SERINC3: variants seen among roughly 807,000 people sequenced by gnomAD.
The protein encoded by SERINC3 is tumor differentially expressed protein 1.
In SERINC3, 22 loss-of-function variants were observed where a neutral mutation model predicts 52.1. That is an observed-to-expected ratio of 0.42 (90% CI 0.30 to 0.60). The LOEUF is 0.60. Among genes scored for constraint, SERINC3 ranks in the 20% least tolerant of loss-of-function variants. The pLI is 0.16. For missense variants in SERINC3, 564 were observed against 584.6 expected, an observed-to-expected ratio of 0.96 and a Z score of 0.36; for synonymous variants, 226 against 212.7, an observed-to-expected ratio of 1.06 and a Z score of -0.54.
chr20:44,520,265 C>T (rs1264053875), intron 1 of SERINC3, among the ~76,000 whole-genome samples: 2 of 152,150 alleles, frequency 1.3e-5, no homozygotes, highest in African/African-American at 4.8e-5. Flanking sequence ...ATCCCAGCTA[C>T]TCCGGGAGGC....
chr20:44,520,148 CA>C (rs1302986648), intron 1 of SERINC3, among the ~76,000 whole-genome samples: 1 of 152,204 alleles, frequency 6.6e-6, no homozygotes, highest in Non-Finnish European at 1.5e-5. Context: ...TTTGGCTGGG[CA>C]TGGTGGCTCA....
chr20:44,521,437 C>T (rs1290500330), intron 1 of SERINC3, among the ~76,000 whole-genome samples: 7 of 152,240 alleles, frequency 4.6e-5, no homozygotes, highest in Non-Finnish European at 1.5e-5. Context: ...GCTTCTTTCC[C>T]TTGCACCTGA....
chr20:44,509,994 G>A lies in SERINC3; in HGVS notation c.510C>T (p.Leu170=). Reference sequence around the variant, plus strand: ...GCAGCACCAGCTGAATGAGGATGAAGAGGGCGGCCCCTATCATGCCAACAA... The same window carrying A: ...GCAGCACCAGCTGAATGAGGATGAAAAGGGCGGCCCCTATCATGCCAACAA... ...WFVVGMIGAA[L]FILIQLVLLV... Residue 170 remains leucine (L), a synonymous_variant, in exon 5 of 10, where the codon CTC becomes CTT. Coordinates refer to ENST00000342374, the MANE Select transcript of SERINC3 (RefSeq NM_006811.4). 4.3e-6 allele frequency: 7 copies of A among 1,614,152 alleles called. No individual in the cohort carries two copies. The highest frequency in any genetic ancestry group is 5.9e-6 in the Non-Finnish European group (7 of 1,179,992).
intron 8 of SERINC3, 109 bp downstream of exon 8, chr20:44,503,706 A>G (rs2064293776): frequency 1.2e-6 from 1 of 834,688 alleles, no homozygotes; most frequent in Admixed American, 2.9e-5. Context: ...TTTTCATTAA[A>G]GAGAGTGAAG....
chr20:44,503,959 G>A lies in SERINC3; in HGVS notation c.911C>T (p.Thr304Ile). Residue 304 changes from threonine to isoleucine, a missense_variant, in exon 8 of 10, where the codon ACA (threonine) becomes ATA (isoleucine). Thr to Ile is a moderately conservative substitution (Grantham distance 89, BLOSUM62 -1). Coordinates refer to ENST00000342374, the MANE Select transcript of SERINC3 (RefSeq NM_006811.4). ...AGCCAGGGTTGGTGCAGTTATGCGT[G>A]TAATAAAGCTCATCAGGTTGGGATT... ...SCNPNLMSFI[T>I]RITAPTLAPG... 6.3e-7 allele frequency: 1 copy of A among 1,597,550 alleles called. No individual in the cohort carries two copies. The highest frequency in any genetic ancestry group is 8.5e-7 in the Non-Finnish European group (1 of 1,175,130).
intron 1 of SERINC3, among the ~76,000 whole-genome samples, chr20:44,516,178 T>C (rs1600818801): frequency 6.6e-6 from 1 of 151,842 alleles, no homozygotes; most frequent in Non-Finnish European, 1.5e-5. Flanking sequence ...GGCAGGCACC[T>C]GTAATCCCAG....
In SERINC3 at chr20:44,506,917, T is replaced by C. The variant is rs1424315687; in HGVS notation, c.693A>G (p.Pro231=). The C allele has an allele frequency of 1.9e-6, 3 of 1,613,704 alleles. No individual in the cohort carries two copies. The highest frequency in any genetic ancestry group is 2.7e-5 in the African/African-American group (2 of 74,900). ...AGAACTTGTTTTCTGTGCAGCCATC[T>C]GGTTTGGTGTAATATGTATAGAGCA... The part of the protein sequence containing the change: ...VGLLYTYYTK[P]DGCTENKFFI... The change falls in exon 6 of 10, where the codon CCA becomes CCG. Residue 231 remains proline, a synonymous_variant. Coordinates refer to ENST00000342374, the MANE Select transcript of SERINC3 (RefSeq NM_006811.4).
intron 5 of SERINC3, among the ~76,000 whole-genome samples, chr20:44,507,584 G>A (rs1600812813): frequency 6.6e-6 from 1 of 152,324 alleles, no homozygotes; most frequent in Middle Eastern, 3.4e-3. Flanking sequence ...ACAATTAGCT[G>A]TGTTGGCTGA....
At chr20:44,503,776 C>T in intron 8 of SERINC3, 39 bp downstream of exon 8, 1 of 1,443,208 alleles carries the variant, frequency 6.9e-7, no homozygotes, top group Non-Finnish European at 9.2e-7. Context: ...TTATTATCAA[C>T]CTCCATGAAA....
At chr20:44,503,734 C>T in intron 8 of SERINC3, 81 bp downstream of exon 8, 1 of 1,138,942 alleles carries the variant, frequency 8.8e-7, no homozygotes, top group South Asian at 1.8e-5. Flanking sequence ...ATTTCTCATG[C>T]TGCTTTTTGA....
rs1376666987 is a variant in SERINC3, at chr20:44,500,200, A to G, written c.*96T>C. Reference sequence around the variant, plus strand: ...ATACAGTCAAACTTGCAAAGCATTCACTTAATATTTTAGTTGAAACAAACT... The same window carrying G: ...ATACAGTCAAACTTGCAAAGCATTCGCTTAATATTTTAGTTGAAACAAACT... On this transcript the variant is annotated 3_prime_UTR_variant, in exon 10 of 10. Coordinates refer to ENST00000342374, the MANE Select transcript of SERINC3 (RefSeq NM_006811.4). 7.6e-7 allele frequency: 1 copy of G among 1,319,130 alleles called. No individual in the cohort carries two copies. Among genetic ancestry groups the G allele is most frequent in the Non-Finnish European group, 1.0e-6 (1 of 968,656 alleles). The allele number at this position is 1,319,130 out of a possible 1,614,324, so 81.7% of individuals were successfully genotyped here.
intron 2 of SERINC3, 31 bp downstream of exon 2, chr20:44,513,848 C>T (rs751066444): frequency 6.7e-6 from 10 of 1,490,764 alleles, no homozygotes; most frequent in Middle Eastern, 1.8e-4. Flanking sequence ...ATAAAAATAA[C>T]CAATACCTTA....
chr20:44,512,602 A>C (rs1188097130), intron 3 of SERINC3, among the ~76,000 whole-genome samples, 199 bp downstream of exon 3: 1 of 152,204 alleles, frequency 6.6e-6, no homozygotes. Context: ...TAAAAAGACA[A>C]GACCCCCTAT....
Position 44,513,825 on chromosome 20 carries a change from G to A in SERINC3, c.201+54C>T, listed in dbSNP as rs1600816896. 2.1e-6 allele frequency: 3 copies of A among 1,404,674 alleles called. No homozygotes were observed. The East Asian group carries it at 7.4e-5, about 35-fold the overall frequency. 87.0% of individuals were successfully genotyped at this position (1,404,674 alleles called of 1,614,324 possible). ...AACGACGAAATAAAACTAGAATTTT[G>A]CAGAATATAAAAATAAAAATAACCA... is the stretch of plus-strand genomic sequence containing the variant. On this transcript the variant is annotated intron_variant, in intron 2 of 9. Transcript: ENST00000342374.
chr20:44,496,885 C>T (rs1303901267), downstream of SERINC3, among the ~76,000 whole-genome samples: 1 of 152,236 alleles, frequency 6.6e-6, no homozygotes, highest in Non-Finnish European at 1.5e-5. Context: ...AACCTCTATA[C>T]TGAGAACCAG....
intron 8 of SERINC3, among the ~76,000 whole-genome samples, chr20:44,503,050 C>T (rs1420949266): frequency 6.6e-6 from 1 of 152,104 alleles, no homozygotes; most frequent in East Asian, 1.9e-4. Flanking sequence ...GATTTGTATA[C>T]TAATAACTAA....
At chr20:44,513,611 C>T (rs547588320) in intron 2 of SERINC3, among the ~76,000 whole-genome samples, 16 of 152,244 alleles carry the variant, frequency 1.1e-4, no homozygotes, top group Admixed American at 2.0e-4. Flanking sequence ...TTAGATGCTT[C>T]GACCTTTAAC....
Position 44,509,804 on chromosome 20 carries a change from T to C in SERINC3, c.613+87A>G, listed in dbSNP as rs73909522. 1,539 of 1,415,262 alleles carry C rather than the reference T, an allele frequency of 1.1e-3. 20 individuals are homozygous for C. The African/African-American group carries it at 0.018, about 17-fold the overall frequency. The allele number at this position is 1,415,262 out of a possible 1,614,324, so 87.7% of individuals were successfully genotyped here. On this transcript the variant is annotated intron_variant, in intron 5 of 9. Transcript: ENST00000342374. ...CTTGGACTTCTGTCCCTGAGGACTA[T>C]AGCTGCTGGGACTATAATGATGATT...
intron 1 of SERINC3, 98 bp from the exon 2 acceptor site, chr20:44,514,138 T>A: frequency 7.8e-7 from 1 of 1,278,132 alleles, no homozygotes; most frequent in Non-Finnish European, 1.1e-6. Flanking sequence ...TCAGGCTTTA[T>A]AGTTTTAACT....
Sources: allele counts gnomAD v4.1 joint callset (sites outside exome capture counted in the v4.1 genomes callset), GRCh38; gene constraint gnomAD v4.1.1; transcripts MANE v1.5; gene names NCBI Gene and HGNC (gene_info 2026-07-23, HGNC 2026-07-21).